LRRC37A3: variants seen among roughly 807,000 people sequenced by gnomAD.
LRRC37A3 encodes leucine rich repeat containing 37 member A3.
Under a neutral mutation model 106.2 loss-of-function variants are expected in LRRC37A3, and 25 were observed. The observed-to-expected ratio is 0.24, with a 90% confidence interval of 0.17 to 0.33. The LOEUF is 0.33. LRRC37A3 is among the 10% of genes least tolerant of loss of function. LRRC37A3 has a pLI of 1.00. For missense variants in LRRC37A3, 712 were observed against 1,644.9 expected, an observed-to-expected ratio of 0.43 and a Z score of 9.81; for synonymous variants, 305 against 635.8, an observed-to-expected ratio of 0.48 and a Z score of 7.83.
Position 64,859,920 on chromosome 17 carries a change from G to C in LRRC37A3, c.4226C>G (p.Pro1409Arg). Residue 1409 changes from proline (P) to arginine (R), a missense_variant, in exon 12 of 15, where the codon CCA (proline) becomes CGA (arginine). By Grantham distance (103) the Pro-to-Arg change is moderately radical (BLOSUM62 -2). Transcript: ENST00000584306. ...ENVFMENTNM[P>R]EGTISENTNY... ...TGTGTTTTCAGAGATGGTTCCTTCT[G>C]GCATGTTAGTGTTTTCCATAAAAAC... 1 of 1,613,732 alleles carries C rather than the reference G, an allele frequency of 6.2e-7. No individual in the cohort carries two copies. Among genetic ancestry groups the C allele is most frequent in the Non-Finnish European group, 8.5e-7 (1 of 1,179,842 alleles).
chr17:64,883,580 C>A (rs1337360248), intron 8 of LRRC37A3, among the ~76,000 whole-genome samples: 1 of 151,116 alleles, frequency 6.6e-6, no homozygotes, highest in Non-Finnish European at 1.5e-5. Flanking sequence ...GCTGGGGCCT[C>A]TTTTTTTGTT....
rs964394514 is a variant in LRRC37A3 at position 64,917,016 on chromosome 17, C to A, written c.-496+1734G>T. Among the ~76,000 whole-genome samples, 8 of 151,052 alleles carry A rather than the reference C, an allele frequency of 5.3e-5. 1 individual carries two copies. Among genetic ancestry groups the A allele is most frequent in the Admixed American group, 4.6e-4 (7 of 15,110 alleles). On this transcript the variant is annotated intron_variant, in intron 2 of 14. Coordinates refer to ENST00000584306, the MANE Select transcript of LRRC37A3 (RefSeq NM_199340.5). ...ATCCCAGCACTTTGGGAGGCCGAGG[C>A]GGGCAGATCACGAGGTCAGGATATC...
Position 64,854,424 on chromosome 17 carries a change from C to G in LRRC37A3, c.*175G>C. ...TCTCCACCCCCTGAGCATATGTTTT[C>G]AGGTCTGGGTGACTAATTAGACTGG... On this transcript the variant is annotated 3_prime_UTR_variant, in exon 15 of 15. Coordinates refer to ENST00000584306, the MANE Select transcript of LRRC37A3 (RefSeq NM_199340.5). The G allele has an allele frequency of 1.1e-6, 1 of 919,264 alleles. No individual in the cohort carries two copies. The highest frequency in any genetic ancestry group is 1.7e-6 in the Non-Finnish European group (1 of 600,478). The allele number at this position is 919,264 out of a possible 1,614,324, so 56.9% of individuals were successfully genotyped here. A position where few individuals can be genotyped will look rare whatever the true frequency, so the allele number is the denominator to read the frequency against.
chr17:64,860,644 G>A lies in LRRC37A3; in HGVS notation c.3502C>T (p.Leu1168Phe), dbSNP rs1268425888. The part of the protein sequence containing the change: ...GKNRQRLNRV[L>F]MGPRSIQKRH... ...TTCTGGATGCTCCTTGGGCCCATGA[G>A]GACTCTATTCAGTCTCTGCCGGTTT... The change falls in exon 12 of 15, where the codon CTC (leucine) becomes TTC (phenylalanine). Residue 1168 changes from leucine (L) to phenylalanine (F), a missense_variant. Physicochemically the swap from Leu to Phe is conservative, Grantham distance 22. Coordinates refer to ENST00000584306, the MANE Select transcript of LRRC37A3 (RefSeq NM_199340.5). 12 of 1,613,816 alleles carry A rather than the reference G, an allele frequency of 7.4e-6. No individual in the cohort carries two copies. Among genetic ancestry groups the A allele is most frequent in the African/African-American group, 1.3e-5 (1 of 74,900 alleles).
At chr17:64,899,667 C>T (rs1322430820) in intron 2 of LRRC37A3, 7 of 145,780 alleles carry the variant, frequency 4.8e-5, no homozygotes, top group African/African-American at 1.4e-4. Context: ...AGCTGTAGCG[C>T]AATCATTCTT....
intron 10 of LRRC37A3, among the ~76,000 whole-genome samples, chr17:64,864,275 A>G (rs1972982835): frequency 6.6e-6 from 1 of 152,198 alleles, no homozygotes; most frequent in Non-Finnish European, 1.5e-5. Context: ...TTTCGTCATG[A>G]GGAAACAGAC....
rs190785471 is a variant in LRRC37A3, at chr17:64,874,376, G to A, written c.2907-5210C>T. 3.2e-3 allele frequency among the ~76,000 whole-genome samples: 473 copies of A among 150,006 alleles called. 1 individual carries two copies. Among genetic ancestry groups the A allele is most frequent in the South Asian group, 0.011 (51 of 4,800 alleles). Reference sequence around the variant, plus strand: ...TGAGGAGCCCCTACGCCCGGCAGCCGCCCCGTCTGAGAAGTGAGGAGCCCC... The same window carrying A: ...TGAGGAGCCCCTACGCCCGGCAGCCACCCCGTCTGAGAAGTGAGGAGCCCC... On this transcript the variant is annotated intron_variant, in intron 8 of 14. Transcript: ENST00000584306.
intron 8 of LRRC37A3, among the ~76,000 whole-genome samples, chr17:64,873,593 T>C (rs1206568003): frequency 2.9e-4 from 44 of 149,402 alleles, no homozygotes; most frequent in African/African-American, 9.9e-4. Flanking sequence ...AATAAAGAGA[T>C]AGAAACCATA....
chr17:64,868,696 T>A (rs2143436413), intron 9 of LRRC37A3, among the ~76,000 whole-genome samples, 160 bp from the exon 10 acceptor site: 1 of 152,316 alleles, frequency 6.6e-6, no homozygotes, highest in South Asian at 2.1e-4. Context: ...TTGATTTGCA[T>A]CATCAAATTA....
intron 8 of LRRC37A3, among the ~76,000 whole-genome samples, chr17:64,880,224 C>T (rs568299151): frequency 2.5e-4 from 38 of 152,046 alleles, no homozygotes; most frequent in Non-Finnish European, 4.0e-4. Flanking sequence ...ACTGGCTCAA[C>T]GGCTCAAGTT....
At chr17:64,869,277 G>A (rs1402519044) in intron 8 of LRRC37A3, 111 bp from the exon 9 acceptor site, 3 of 1,559,480 alleles carry the variant, frequency 1.9e-6, no homozygotes, top group Non-Finnish European at 2.6e-6. Flanking sequence ...AGAAAAAAAT[G>A]TTTCCTGTCT....
intron 10 of LRRC37A3, among the ~76,000 whole-genome samples, chr17:64,866,628 A>ATATATTT (rs1491179388): frequency 2.8e-4 from 5 of 17,870 alleles, no homozygotes; most frequent in Non-Finnish European, 3.5e-4. Flanking sequence ...ATATATATAT[A>ATATATTT]TTTTTTTTTT....
intron 2 of LRRC37A3, among the ~76,000 whole-genome samples, chr17:64,907,676 T>TG (rs1446107007): frequency 6.6e-6 from 1 of 151,668 alleles, no homozygotes; most frequent in Non-Finnish European, 1.5e-5. Context: ...TAGATAACAG[T>TG]GGGGGTCAAG....
chr17:64,910,420 G>C (rs1260979483), intron 2 of LRRC37A3, among the ~76,000 whole-genome samples: 1 of 152,288 alleles, frequency 6.6e-6, no homozygotes, highest in Non-Finnish European at 1.5e-5. Flanking sequence ...ATTTATTGTA[G>C]CAACTAAAAC....
intron 2 of LRRC37A3, among the ~76,000 whole-genome samples, chr17:64,913,217 C>T (rs1449856228): frequency 4.0e-5 from 6 of 151,726 alleles, no homozygotes; most frequent in African/African-American, 1.2e-4. Flanking sequence ...TTAGTAGAGA[C>T]GGGGTTTCAC....
At chr17:64,878,350 A>G (rs1973582910) in intron 8 of LRRC37A3, among the ~76,000 whole-genome samples, 1 of 152,232 alleles carries the variant, frequency 6.6e-6, no homozygotes, top group South Asian at 2.1e-4. Flanking sequence ...TTTTATCAAA[A>G]TTAAAAACTT....
chr17:64,906,526 TG>T (rs1974459534), intron 2 of LRRC37A3, among the ~76,000 whole-genome samples: 2 of 83,672 alleles, frequency 2.4e-5, no homozygotes, highest in Non-Finnish European at 2.2e-5. Flanking sequence ...CCTCTGTCAC[TG>T]GTTTATAAGC....
chr17:64,859,874 C>G lies in LRRC37A3; in HGVS notation c.4272G>C (p.Glu1424Asp). Reference protein sequence around the residue: ...SENTNYNHPPEADSAGTAFNL... With the variant: ...SENTNYNHPPDADSAGTAFNL... ...TGAATGCAGTCCCAGCGGAATCTGC[C>G]TCAGGAGGATGATTGTAGTTTGTGT... The change falls in exon 12 of 15, where the codon GAG (glutamate) becomes GAC (aspartate). Residue 1424 changes from glutamate (E) to aspartate (D), a missense_variant. By Grantham distance (45) the Glu-to-Asp change is conservative. Coordinates refer to ENST00000584306, the MANE Select transcript of LRRC37A3 (RefSeq NM_199340.5). The G allele has an allele frequency of 6.2e-7, 1 of 1,613,060 alleles. No individual in the cohort carries two copies. The highest frequency in any genetic ancestry group is 8.5e-7 in the Non-Finnish European group (1 of 1,179,834).
At chr17:64,874,651 A>G (rs1467154701) in intron 8 of LRRC37A3, among the ~76,000 whole-genome samples, 2 of 152,272 alleles carry the variant, frequency 1.3e-5, no homozygotes, top group East Asian at 1.9e-4. Context: ...TTTGTTGAAT[A>G]GAAAAGGGGG....
Sources: allele counts gnomAD v4.1 joint callset (sites outside exome capture counted in the v4.1 genomes callset), GRCh38; gene constraint gnomAD v4.1.1; transcripts MANE v1.5; gene names NCBI Gene and HGNC (gene_info 2026-07-23, HGNC 2026-07-21).